PDE1A: variants seen among roughly 807,000 people sequenced by gnomAD.
PDE1A encodes the protein phosphodiesterase 1A.
PDE1A carries 35 observed loss-of-function variants against 61.7 expected under a neutral mutation model. The observed-to-expected ratio is 0.57, with a 90% CI of 0.43 to 0.75. PDE1A has a LOEUF of 0.75. Ranked by LOEUF, PDE1A falls within the 30% of genes least tolerant of loss-of-function variation. PDE1A has a pLI of 0.00. For missense variants in PDE1A, 597 were observed against 630.6 expected (o/e 0.95, Z 0.57); for synonymous variants, 232 against 213.2 (o/e 1.09, Z -0.77).
chr2:182,394,546 T>C (rs1291592478), intron 1 of PDE1A, among the ~76,000 whole-genome samples: 2 of 131,068 alleles, frequency 1.5e-5, no homozygotes, highest in African/African-American at 6.0e-5. Flanking sequence ...GACCAGACCT[T>C]TGAGGGGCTG....
chr2:182,333,415 G>T (rs1319987840), intron 1 of PDE1A, among the ~76,000 whole-genome samples: 3 of 152,098 alleles, frequency 2.0e-5, no homozygotes, highest in Admixed American at 6.6e-5. Context: ...TAGAACTCAG[G>T]ATTAAAAAAT....
intron 1 of PDE1A, among the ~76,000 whole-genome samples, chr2:182,367,690 A>C (rs1699912635): frequency 6.6e-6 from 1 of 152,124 alleles, no homozygotes; most frequent in Admixed American, 6.6e-5. Context: ...TGAGTTTTAA[A>C]AATCCCATTA....
chr2:182,361,357 C>A (rs1456265654), intron 1 of PDE1A, among the ~76,000 whole-genome samples: 2 of 152,180 alleles, frequency 1.3e-5, no homozygotes, highest in East Asian at 1.9e-4. Flanking sequence ...ACCTAAGTAT[C>A]ATTTAAATAT....
intron 13 of PDE1A, among the ~76,000 whole-genome samples, chr2:182,150,713 A>T (rs1690733346): frequency 6.6e-6 from 1 of 152,244 alleles, no homozygotes; most frequent in Admixed American, 6.5e-5. Flanking sequence ...TTCAAGGAGC[A>T]GGGAGGGGAT....
At chr2:182,217,642 T>C (rs1375975815) in intron 7 of PDE1A, among the ~76,000 whole-genome samples, 215 of 127,334 alleles carry the variant, frequency 1.7e-3, no homozygotes, top group Non-Finnish European at 2.5e-3. Flanking sequence ...AGAAGACATT[T>C]ATGCAGCCAA....
At chr2:182,633,327 T>G in the PDE1A span, among the ~76,000 whole-genome samples, 1 of 152,208 alleles carries the variant, frequency 6.6e-6, no homozygotes, top group Admixed American at 6.5e-5. Context: ...AGGTCCACCC[T>G]GTTGCATTCT....
the PDE1A span, among the ~76,000 whole-genome samples, chr2:182,710,621 T>G: frequency 3.7e-4 from 57 of 152,364 alleles, no homozygotes; most frequent in Admixed American, 7.8e-4. Context: ...TTTCTGTATT[T>G]GGATTATTTC....
chr2:182,674,102 A>T, the PDE1A span, among the ~76,000 whole-genome samples: 1 of 151,786 alleles, frequency 6.6e-6, no homozygotes, highest in Non-Finnish European at 1.5e-5. Context: ...GCTAAGGAAT[A>T]GAAAATGTAT....
At chr2:182,148,981 C>G (rs1336891046) in intron 13 of PDE1A, among the ~76,000 whole-genome samples, 1 of 151,912 alleles carries the variant, frequency 6.6e-6, no homozygotes, top group Non-Finnish European at 1.5e-5. Context: ...TTTTATGCAT[C>G]TTATTACTGA....
At chr2:182,357,119 A>G (rs1444325821) in intron 1 of PDE1A, among the ~76,000 whole-genome samples, 1 of 152,118 alleles carries the variant, frequency 6.6e-6, no homozygotes, top group Non-Finnish European at 1.5e-5. Context: ...AACATGGCAC[A>G]TGTATACATA....
intron 13 of PDE1A, among the ~76,000 whole-genome samples, chr2:182,170,344 A>G (rs899341231): frequency 6.6e-6 from 1 of 152,038 alleles, no homozygotes; most frequent in Non-Finnish European, 1.5e-5. Context: ...TTCACTCCCA[A>G]ATTCATAACT....
the PDE1A span, among the ~76,000 whole-genome samples, chr2:182,558,310 G>A: frequency 6.6e-6 from 1 of 151,506 alleles, no homozygotes; most frequent in South Asian, 2.1e-4. Flanking sequence ...ATATATTATG[G>A]CGTTTAAGAT....
intron 7 of PDE1A, among the ~76,000 whole-genome samples, chr2:182,208,481 C>T (rs1411422702): frequency 6.6e-6 from 1 of 152,188 alleles, no homozygotes; most frequent in Non-Finnish European, 1.5e-5. Flanking sequence ...AGGTCCCTCC[C>T]TCAAAACATG....
intron 1 of PDE1A, among the ~76,000 whole-genome samples, chr2:182,365,096 A>C (rs1699763506): frequency 6.6e-6 from 1 of 152,064 alleles, no homozygotes; most frequent in African/African-American, 2.4e-5. Context: ...CCCTAATTCT[A>C]AGTACAAATC....
intron 1 of PDE1A, among the ~76,000 whole-genome samples, chr2:182,402,575 T>C (rs1212969993): frequency 1.3e-5 from 2 of 152,158 alleles, no homozygotes; most frequent in Non-Finnish European, 2.9e-5. Context: ...ATACAAACCC[T>C]GGAAGAAAAC....
At chr2:182,544,414 C>T in the PDE1A span, among the ~76,000 whole-genome samples, 1 of 152,186 alleles carries the variant, frequency 6.6e-6, no homozygotes, top group Non-Finnish European at 1.5e-5. Context: ...CTTCCTTCTG[C>T]TGTCCAAACT....
At chr2:182,154,430 A>C (rs1049961054) in intron 13 of PDE1A, among the ~76,000 whole-genome samples, 1 of 152,182 alleles carries the variant, frequency 6.6e-6, no homozygotes, top group Non-Finnish European at 1.5e-5. Context: ...GGCTCTAAGA[A>C]GTTGATATGG....
At chr2:182,410,106 C>T (rs1218591327) in intron 1 of PDE1A, among the ~76,000 whole-genome samples, 1 of 152,096 alleles carries the variant, frequency 6.6e-6, no homozygotes, top group Non-Finnish European at 1.5e-5. Context: ...AATCCCAGCA[C>T]TTTGGGAGGC....
chr2:182,181,597 T>C (rs542915117), intron 13 of PDE1A, among the ~76,000 whole-genome samples: 1 of 152,144 alleles, frequency 6.6e-6, no homozygotes, highest in South Asian at 2.1e-4. Context: ...GCTGGGAGAG[T>C]CCCCCTTGTT....
Sources: allele counts gnomAD v4.1 joint callset (sites outside exome capture counted in the v4.1 genomes callset), GRCh38; gene constraint gnomAD v4.1.1; transcripts MANE v1.5; gene names NCBI Gene and HGNC (gene_info 2026-07-23, HGNC 2026-07-21).